NRG3: variants seen among roughly 807,000 people sequenced by gnomAD.
NRG3 encodes neuregulin 3, also known as pro-neuregulin-3, membrane-bound isoform.
Under a neutral mutation model 66.9 loss-of-function variants are expected in NRG3, and 31 were observed. The observed-to-expected ratio is 0.46, with a 90% CI of 0.35 to 0.63. The LOEUF (loss-of-function observed/expected upper bound fraction) is 0.63, where lower values mean the gene tolerates loss of function less well. Among genes scored for constraint, NRG3 ranks in the 20% least tolerant of loss-of-function variants. NRG3 has a pLI of 0.00. For synonymous variants in NRG3, 393 were observed against 359.4 expected (o/e 1.09, Z -1.06); for missense variants, 910 against 878.9 (o/e 1.04, Z -0.45).
intron 1 of NRG3, among the ~76,000 whole-genome samples, chr10:82,118,015 G>A (rs1359398416): frequency 6.6e-6 from 1 of 152,014 alleles, no homozygotes; most frequent in Admixed American, 6.6e-5. Flanking sequence ...TGGGAAGAGG[G>A]CCGGTAGCAC....
chr10:82,868,840 CTG>C (rs1237685297), intron 4 of NRG3, among the ~76,000 whole-genome samples: 10 of 152,146 alleles, frequency 6.6e-5, no homozygotes, highest in African/African-American at 2.4e-4. Flanking sequence ...TTACAGGCGC[CTG>C]CCACCACGCT....
intron 2 of NRG3, among the ~76,000 whole-genome samples, chr10:82,398,194 A>C (rs1209551592): frequency 6.6e-6 from 1 of 152,162 alleles, no homozygotes; most frequent in Non-Finnish European, 1.5e-5. Context: ...CCAAGGCCAG[A>C]CTCAGCAGCA....
intron 2 of NRG3, among the ~76,000 whole-genome samples, chr10:82,737,119 T>G (rs1437209895): frequency 6.6e-6 from 1 of 152,222 alleles, no homozygotes; most frequent in African/African-American, 2.4e-5. Flanking sequence ...AAGTAAAATA[T>G]ATGAATTTTT....
chr10:81,994,288 G>T (rs1218091118), intron 1 of NRG3, among the ~76,000 whole-genome samples: 2 of 151,888 alleles, frequency 1.3e-5, no homozygotes, highest in African/African-American at 4.8e-5. Context: ...TCTCCCTAAT[G>T]TCCCTATTTC....
At chr10:81,985,639 C>G (rs530454607) in intron 1 of NRG3, among the ~76,000 whole-genome samples, 1 of 152,246 alleles carries the variant, frequency 6.6e-6, no homozygotes, top group East Asian at 1.9e-4. Context: ...AGGAAGCAGG[C>G]AGAGGAAGAT....
At chr10:82,958,205 G>C (rs1342190691) in intron 5 of NRG3, among the ~76,000 whole-genome samples, 3 of 152,198 alleles carry the variant, frequency 2.0e-5, no homozygotes, top group Non-Finnish European at 4.4e-5. Context: ...AGGCAGGTTG[G>C]CTGGGCTGAG....
intron 1 of NRG3, among the ~76,000 whole-genome samples, chr10:81,891,696 A>G (rs1843023858): frequency 1.3e-5 from 2 of 152,224 alleles, no homozygotes; most frequent in South Asian, 4.2e-4. Flanking sequence ...TGAAAGGGGG[A>G]AAAGTAATTA....
chr10:81,887,791 A>G (rs1321691625), intron 1 of NRG3, among the ~76,000 whole-genome samples: 1 of 152,142 alleles, frequency 6.6e-6, no homozygotes, highest in Admixed American at 6.5e-5. Flanking sequence ...CTGTGTAACA[A>G]TTAGAAGTCA....
At chr10:82,527,297 C>A (rs1846804342) in intron 2 of NRG3, among the ~76,000 whole-genome samples, 1 of 141,742 alleles carries the variant, frequency 7.1e-6, no homozygotes. Flanking sequence ...AAATGTAATT[C>A]CATGTATGTA....
intron 3 of NRG3, among the ~76,000 whole-genome samples, chr10:82,802,726 C>A (rs1348762627): frequency 2.6e-5 from 4 of 152,012 alleles, no homozygotes; most frequent in Admixed American, 2.0e-4. Context: ...GATCACGGCT[C>A]ACTGAAGCTT....
intron 1 of NRG3, among the ~76,000 whole-genome samples, chr10:82,025,222 TA>T (rs931072929): frequency 3.6e-4 from 54 of 150,732 alleles, no homozygotes; most frequent in African/African-American, 1.3e-3. Context: ...ATATATTTCT[TA>T]TAATATTAAA....
intron 3 of NRG3, among the ~76,000 whole-genome samples, chr10:82,766,956 A>G (rs2059536464): frequency 6.6e-6 from 1 of 150,548 alleles, no homozygotes; most frequent in Non-Finnish European, 1.5e-5. Context: ...CTAGTACTCT[A>G]CGAAGACTAA....
chr10:82,678,867 G>A (rs1431352420), intron 2 of NRG3, among the ~76,000 whole-genome samples: 1 of 152,060 alleles, frequency 6.6e-6, no homozygotes, highest in Non-Finnish European at 1.5e-5. Context: ...AACAAATCCT[G>A]GGATCATGTC....
At chr10:82,497,509 C>T (rs1198000843) in intron 2 of NRG3, among the ~76,000 whole-genome samples, 1 of 152,094 alleles carries the variant, frequency 6.6e-6, no homozygotes, top group Non-Finnish European at 1.5e-5. Flanking sequence ...GCATAATGTC[C>T]TCCAAGGTCA....
intron 2 of NRG3, among the ~76,000 whole-genome samples, chr10:82,376,450 A>G (rs1589901106): frequency 6.6e-6 from 1 of 152,176 alleles, no homozygotes; most frequent in Non-Finnish European, 1.5e-5. Context: ...CACATTTATC[A>G]CAATGGTAGA....
intron 3 of NRG3, among the ~76,000 whole-genome samples, chr10:82,762,352 T>C (rs1479412598): frequency 1.3e-5 from 2 of 152,102 alleles, no homozygotes; most frequent in Non-Finnish European, 2.9e-5. Context: ...AATTATAAAA[T>C]TAAATTTTTC....
chr10:82,717,702 C>T (rs916983537), intron 2 of NRG3, among the ~76,000 whole-genome samples: 9 of 152,154 alleles, frequency 5.9e-5, no homozygotes, highest in South Asian at 2.1e-4. Context: ...CACCTGTGGC[C>T]GGAAAAGCTT....
intron 1 of NRG3, among the ~76,000 whole-genome samples, chr10:82,044,359 C>G (rs1221282402): frequency 2.0e-5 from 3 of 151,920 alleles, no homozygotes; most frequent in South Asian, 2.1e-4. Flanking sequence ...ATAGGGCACA[C>G]TCACCCACAT....
chr10:82,337,400 C>T (rs1294779016), intron 1 of NRG3, among the ~76,000 whole-genome samples: 1 of 152,112 alleles, frequency 6.6e-6, no homozygotes, highest in Admixed American at 6.5e-5. Context: ...TTTGTTTATT[C>T]ATCACTTGGT....
Sources: allele counts gnomAD v4.1 joint callset (sites outside exome capture counted in the v4.1 genomes callset), GRCh38; gene constraint gnomAD v4.1.1; transcripts MANE v1.5; gene names NCBI Gene and HGNC (gene_info 2026-07-23, HGNC 2026-07-21).